The following ETV1 variants were observed in gnomAD, a reference collection of about 807,000 sequenced individuals.
The protein encoded by ETV1 is ETS translocation variant 1.
A neutral mutation model predicts 62.3 loss-of-function variants in ETV1; 27 were observed. The ratio of observed to expected loss-of-function variants is 0.43; its 90% CI spans 0.32 to 0.60. The LOEUF (loss-of-function observed/expected upper bound fraction) is 0.60, where lower values mean the gene tolerates loss of function less well. ETV1 is among the 20% of genes least tolerant of loss of function. The pLI is 0.06. For synonymous variants in ETV1, 222 were observed against 199.6 expected (o/e 1.11, Z -0.94); for missense variants, 605 against 605.8 (o/e 1.00, Z 0.01).
chr7:13,942,455 T>A (rs1296207663), intron 6 of ETV1, among the ~76,000 whole-genome samples: 15 of 152,176 alleles, frequency 9.9e-5, no homozygotes, highest in Non-Finnish European at 2.9e-5. Flanking sequence ...AGATTTATTA[T>A]ATAGGTAAGC....
At chr7:13,988,595 G>GAA (rs34468165) in intron 3 of ETV1, 37,063 of 799,704 alleles carry the variant, frequency 0.046, 35 homozygotes, top group East Asian at 0.12. Flanking sequence ...GTAGAGAAAT[G>GAA]AAAAAAAAAA....
intron 13 of ETV1, among the ~76,000 whole-genome samples, chr7:13,896,688 A>AGAGAGAG (rs1781814075): frequency 7.4e-6 from 1 of 134,394 alleles, no homozygotes; most frequent in African/African-American, 2.8e-5. Flanking sequence ...AGAAAGAAAG[A>AGAGAGAG]AAAGAGAGAG....
chr7:13,931,763 G>C lies in ETV1; in HGVS notation c.555-14C>G, dbSNP rs1366773045. 1.9e-6 allele frequency: 3 copies of C among 1,612,594 alleles called. No homozygotes were observed. The highest frequency in any genetic ancestry group is 4.5e-5 in the East Asian group (2 of 44,848). ...TGGCGGCGAAATCTAGGGAATAAGAGAGTGTGTTTCAGATGAAACGGTAAC... is the reference window on the plus strand; with the variant it reads ...TGGCGGCGAAATCTAGGGAATAAGACAGTGTGTTTCAGATGAAACGGTAAC... On this transcript the variant is annotated splice_polypyrimidine_tract_variant and intron_variant, in intron 8 of 13. Transcript: ENST00000430479.
At chr7:13,937,069 A>C (rs1341894948) in intron 7 of ETV1, among the ~76,000 whole-genome samples, 3 of 152,154 alleles carry the variant, frequency 2.0e-5, no homozygotes, top group Non-Finnish European at 2.9e-5. Flanking sequence ...ATAAAATAAA[A>C]AGCAATCATC....
chr7:13,958,525 C>G (rs139200172), intron 6 of ETV1, among the ~76,000 whole-genome samples: 1 of 152,144 alleles, frequency 6.6e-6, no homozygotes, highest in Admixed American at 6.6e-5. Flanking sequence ...AGTAAGCACA[C>G]ATGTATTAAA....
chr7:13,949,779 C>A (rs1186009729), intron 6 of ETV1, among the ~76,000 whole-genome samples: 1 of 152,094 alleles, frequency 6.6e-6, no homozygotes, highest in African/African-American at 2.4e-5. Flanking sequence ...GGACAGGGAC[C>A]CTGATTCGAG....
chr7:13,931,473 A>C (rs764955787), intron 9 of ETV1, 29 bp downstream of exon 9: 5 of 1,613,124 alleles, frequency 3.1e-6, no homozygotes, highest in Non-Finnish European at 4.2e-6. Context: ...AAGTGCCTTG[A>C]ATGTAATTTG....
At chr7:13,926,180 T>A (rs1455654794) in intron 9 of ETV1, among the ~76,000 whole-genome samples, 1 of 152,186 alleles carries the variant, frequency 6.6e-6, no homozygotes, top group East Asian at 1.9e-4. Flanking sequence ...GCTTTCTGTC[T>A]CTCTCAAACA....
intron 6 of ETV1, among the ~76,000 whole-genome samples, chr7:13,971,929 T>C (rs542968402): frequency 1.3e-5 from 2 of 151,932 alleles, no homozygotes; most frequent in East Asian, 3.9e-4. Context: ...TGGACAACAA[T>C]AGTGAAACTC....
chr7:13,956,942 G>C (rs1257349935), intron 6 of ETV1, among the ~76,000 whole-genome samples: 1 of 152,054 alleles, frequency 6.6e-6, no homozygotes, highest in Non-Finnish European at 1.5e-5. Context: ...AAATTAAGAT[G>C]TGATTATTAA....
At chr7:13,945,466 G>T (rs1241669479) in intron 6 of ETV1, among the ~76,000 whole-genome samples, 1 of 150,532 alleles carries the variant, frequency 6.6e-6, no homozygotes, top group African/African-American at 2.5e-5. Flanking sequence ...CTAATCATAA[G>T]CCAAATAAGT....
chr7:13,928,415 G>C (rs1785684348), intron 9 of ETV1, among the ~76,000 whole-genome samples: 1 of 152,032 alleles, frequency 6.6e-6, no homozygotes, highest in African/African-American at 2.4e-5. Flanking sequence ...AAGAGATTGA[G>C]ACCAGCCTGA....
chr7:13,978,720 A>T (rs1781693316), intron 5 of ETV1, among the ~76,000 whole-genome samples: 1 of 151,946 alleles, frequency 6.6e-6, no homozygotes, highest in African/African-American at 2.4e-5. Context: ...TTTTAAAAAA[A>T]TTTTATATAA....
At chr7:13,923,533 C>G (rs1042552174) in intron 9 of ETV1, among the ~76,000 whole-genome samples, 3 of 152,098 alleles carry the variant, frequency 2.0e-5, no homozygotes, top group Non-Finnish European at 4.4e-5. Flanking sequence ...CCAGTTTTAA[C>G]GTATTTAACA....
rs1781657671 is a variant in ETV1 at position 13,895,223 on chromosome 7, T to C, written c.*643A>G. ...GCCCCTCATTTACAGTCATGGTGAT[T>C]ATTCAACTTCAGAGAGAATTACCCA... On this transcript the variant is annotated 3_prime_UTR_variant, in exon 14 of 14. Transcript: ENST00000430479. 1 of 233,534 alleles carries C rather than the reference T, an allele frequency of 4.3e-6. No individual in the cohort carries two copies. The highest frequency in any genetic ancestry group is 5.6e-5 in the Admixed American group (1 of 17,784). 14.5% of individuals were successfully genotyped at this position (233,534 alleles called of 1,614,324 possible). A position where few individuals can be genotyped will look rare whatever the true frequency, so the allele number is the denominator to read the frequency against.
intron 5 of ETV1, among the ~76,000 whole-genome samples, chr7:13,978,826 T>C (rs1165702899): frequency 2.0e-5 from 3 of 152,072 alleles, no homozygotes; most frequent in Non-Finnish European, 2.9e-5. Context: ...TACGTTATAT[T>C]ATGAAGAGCA....
intron 6 of ETV1, among the ~76,000 whole-genome samples, chr7:13,944,477 T>G (rs1787923937): frequency 6.6e-6 from 1 of 152,006 alleles, no homozygotes; most frequent in Non-Finnish European, 1.5e-5. Flanking sequence ...CTTCATAACC[T>G]AATCACTTCC....
At chr7:13,957,807 A>G (rs537708445) in intron 6 of ETV1, among the ~76,000 whole-genome samples, 3 of 152,348 alleles carry the variant, frequency 2.0e-5, no homozygotes, top group Admixed American at 6.5e-5. Flanking sequence ...CTAGAAAAGT[A>G]TGAAGATGAA....
intron 9 of ETV1, among the ~76,000 whole-genome samples, chr7:13,912,710 T>C (rs550627491): frequency 2.6e-5 from 4 of 152,282 alleles, no homozygotes; most frequent in Non-Finnish European, 5.9e-5. Context: ...TACACTTGGC[T>C]AGCATTGTTT....
Sources: gnomAD v4.1 joint callset for allele counts (sites outside exome capture counted in the v4.1 genomes callset) on GRCh38, gnomAD v4.1.1 for gene constraint, MANE v1.5 for transcripts, NCBI Gene and HGNC (gene_info 2026-07-23, HGNC 2026-07-21) for gene names.